The following SCHIP1 variants were observed in gnomAD, a reference collection of about 807,000 sequenced individuals.
SCHIP1 encodes the protein schwannomin interacting protein 1.
SCHIP1 carries 8 observed loss-of-function variants against 29.7 expected under a neutral mutation model. That is an observed-to-expected ratio of 0.27 (90% CI 0.16 to 0.49). The LOEUF is 0.49. Among genes scored for constraint, SCHIP1 ranks in the 20% least tolerant of loss-of-function variants. The pLI is 0.99. For missense variants in SCHIP1, 193 were observed against 294.6 expected, an observed-to-expected ratio of 0.66 and a Z score of 2.52; for synonymous variants, 76 against 94.9, an observed-to-expected ratio of 0.80 and a Z score of 1.16.
chr3:159,725,722 C>A, the SCHIP1 span, among the ~76,000 whole-genome samples: 1 of 152,190 alleles, frequency 6.6e-6, no homozygotes, highest in Non-Finnish European at 1.5e-5. Flanking sequence ...TGGCAATAAT[C>A]GCAATGACAG....
chr3:159,299,367 C>G, the SCHIP1 span, among the ~76,000 whole-genome samples: 1 of 152,260 alleles, frequency 6.6e-6, no homozygotes, highest in East Asian at 1.9e-4. Context: ...GAAGTCTATA[C>G]AGGTGCTGGT....
the SCHIP1 span, among the ~76,000 whole-genome samples, chr3:159,565,456 G>T: frequency 7.2e-5 from 11 of 152,116 alleles, no homozygotes; most frequent in African/African-American, 2.2e-4. Context: ...GGGTTTTGGC[G>T]CATCTCCTAT....
intron 2 of SCHIP1, among the ~76,000 whole-genome samples, chr3:159,878,850 T>C (rs1716152243): frequency 6.6e-6 from 1 of 150,558 alleles, no homozygotes; most frequent in Middle Eastern, 3.2e-3. Flanking sequence ...AATAAATTCC[T>C]GCCAAATGCC....
the SCHIP1 span, among the ~76,000 whole-genome samples, chr3:159,395,050 G>A: frequency 6.6e-6 from 1 of 152,178 alleles, no homozygotes; most frequent in Non-Finnish European, 1.5e-5. Flanking sequence ...TTGGTAGAGT[G>A]TATGTGTCGA....
chr3:159,363,705 T>A, the SCHIP1 span, among the ~76,000 whole-genome samples: 3 of 152,204 alleles, frequency 2.0e-5, no homozygotes, highest in Non-Finnish European at 4.4e-5. Flanking sequence ...GCTCCACAGA[T>A]CCCTAACGTT....
chr3:159,849,180 A>G (rs1042109732), intron 1 of SCHIP1, among the ~76,000 whole-genome samples: 1 of 152,164 alleles, frequency 6.6e-6, no homozygotes, highest in African/African-American at 2.4e-5. Flanking sequence ...TCTCTCCAAA[A>G]GATAATATAT....
At chr3:159,561,207 C>T in the SCHIP1 span, among the ~76,000 whole-genome samples, 6 of 152,140 alleles carry the variant, frequency 3.9e-5, no homozygotes, top group Non-Finnish European at 8.8e-5. Flanking sequence ...TGAAGAATGT[C>T]CACAAGGATT....
the SCHIP1 span, among the ~76,000 whole-genome samples, chr3:159,477,491 A>G: frequency 6.6e-6 from 1 of 152,130 alleles, no homozygotes; most frequent in Non-Finnish European, 1.5e-5. Flanking sequence ...CAGGTGTGAG[A>G]TGGTATCTCC....
chr3:159,640,130 G>A, the SCHIP1 span, among the ~76,000 whole-genome samples: 2 of 152,106 alleles, frequency 1.3e-5, no homozygotes, highest in African/African-American at 4.8e-5. Flanking sequence ...AGTAAATGAT[G>A]TTCTGAGGGC....
chr3:159,392,375 T>A, the SCHIP1 span, among the ~76,000 whole-genome samples: 1 of 152,120 alleles, frequency 6.6e-6, no homozygotes. Flanking sequence ...GTTAGTTACA[T>A]ATGTATACAA....
At chr3:159,273,459 C>G in the SCHIP1 span, 1 of 1,054,314 alleles carries the variant, frequency 9.5e-7, no homozygotes, top group Non-Finnish European at 1.1e-6. Context: ...ATGGGATCTT[C>G]TTTTCTGCAT....
At chr3:159,558,427 AAG>A in the SCHIP1 span, among the ~76,000 whole-genome samples, 1 of 152,232 alleles carries the variant, frequency 6.6e-6, no homozygotes, top group Non-Finnish European at 1.5e-5. Context: ...CTAGGACAAT[AAG>A]AGACAATAAG....
chr3:159,704,417 T>TAAAAAAAAAAAA, the SCHIP1 span, among the ~76,000 whole-genome samples: 2 of 92,638 alleles, frequency 2.2e-5, no homozygotes, highest in African/African-American at 8.2e-5. Context: ...CAATTTTTTC[T>TAAAAAAAAAAAA]AAAAAAAAAA....
chr3:159,544,304 G>A, the SCHIP1 span, among the ~76,000 whole-genome samples: 5 of 151,892 alleles, frequency 3.3e-5, no homozygotes, highest in African/African-American at 1.2e-4. Context: ...TACAATTTAT[G>A]TATGTTACCA....
At chr3:159,888,722 G>A in intron 4 of SCHIP1, 98 bp from the exon 6 acceptor site, 2 of 1,522,374 alleles carry the variant, frequency 1.3e-6, no homozygotes, top group Non-Finnish European at 1.8e-6. Context: ...AATTGCAGTG[G>A]GTGGGTGAGT....
the SCHIP1 span, among the ~76,000 whole-genome samples, chr3:159,539,373 AAGAAG>A: frequency 7.3e-6 from 1 of 136,906 alleles, no homozygotes; most frequent in African/African-American, 2.5e-5. Flanking sequence ...ACAAGGAAAA[AAGAAG>A]AGAAAACAAT....
At position 159,843,001 on chromosome 3, in the gene SCHIP1, C is replaced by CT. The variant is rs566940351; in HGVS notation, c.30+2815dup. ...TCCAGTTCTATCCCAATATTTCTTT[C>CT]TTTTTTTTTTTTTTTTTTTTTTTTT... On this transcript the variant is annotated intron_variant, in intron 1 of 6. Coordinates refer to ENST00000445224, the Ensembl canonical transcript of SCHIP1. Among the ~76,000 whole-genome samples, 70 of 63,716 alleles carry CT rather than the reference C, an allele frequency of 1.1e-3. 7 individuals carry two copies. The highest frequency in any genetic ancestry group is 0.014 in the Middle Eastern group (1 of 74). The allele number at this position is 63,716 out of a possible 152,430, so 41.8% of individuals were successfully genotyped here. A position where few individuals can be genotyped will look rare whatever the true frequency, so the allele number is the denominator to read the frequency against.
the SCHIP1 span, among the ~76,000 whole-genome samples, chr3:159,801,099 G>A: frequency 6.6e-6 from 1 of 151,694 alleles, no homozygotes; most frequent in South Asian, 2.1e-4. Flanking sequence ...CCCAGTCCTG[G>A]GTCCTTTAGT....
At chr3:159,485,398 T>TG in the SCHIP1 span, among the ~76,000 whole-genome samples, 1,247 of 152,194 alleles carry the variant, frequency 8.2e-3, 16 homozygotes, top group African/African-American at 0.028. Flanking sequence ...CAAATGTCGA[T>TG]GGGGAAAAAA....
Sources: gnomAD v4.1 joint callset for allele counts (sites outside exome capture counted in the v4.1 genomes callset) on GRCh38, gnomAD v4.1.1 for gene constraint, MANE v1.5 for transcripts, NCBI Gene and HGNC (gene_info 2026-07-23, HGNC 2026-07-21) for gene names.